TNFRSF18: variants seen among roughly 807,000 people sequenced by gnomAD.
The protein encoded by TNFRSF18 is TNF receptor superfamily member 18, also known as tumor necrosis factor receptor superfamily member 18.
A neutral mutation model predicts 30.2 loss-of-function variants in TNFRSF18; 36 were observed. The ratio of observed to expected loss-of-function variants is 1.19; its 90% CI spans 0.91 to 1.58. The LOEUF is 1.58. Ranked by LOEUF, TNFRSF18 falls within the 40% of genes most tolerant of loss-of-function variation. TNFRSF18 has a pLI of 0.00. For synonymous variants in TNFRSF18, 173 were observed against 158.3 expected (o/e 1.09, Z -0.70); for missense variants, 369 against 345.4 (o/e 1.07, Z -0.54).
rs762341860 is a variant in TNFRSF18 at position 1,203,565 on chromosome 1, C to T, written c.*279G>A. The T allele has an allele frequency of 1.3e-5, 20 of 1,487,696 alleles. No individual in the cohort carries two copies. The highest frequency in any genetic ancestry group is 2.7e-5 in the South Asian group (2 of 72,948). 92.2% of individuals were successfully genotyped at this position (1,487,696 alleles called of 1,614,324 possible). On this transcript the variant is annotated 3_prime_UTR_variant, in exon 5 of 5. Transcript: ENST00000379268. ...CAGCCGGGTCCCGTGCTGGGCACTG[C>T]ACACCCACGGACACAGCCTCCCGTC...
In TNFRSF18 at chr1:1,203,821, G is replaced by A; in HGVS notation, c.*23C>T. The A allele has an allele frequency of 6.3e-7, 1 of 1,583,112 alleles. No homozygotes were observed. Among genetic ancestry groups the A allele is most frequent in the Non-Finnish European group, 8.5e-7 (1 of 1,170,846 alleles). The stretch of plus-strand genomic sequence containing the variant: ...CCTGGGGAGGGGCTGGCTGCGGTCG[G>A]TGGCCCCGGAGGACGGCCAGGCTCA... On this transcript the variant is annotated 3_prime_UTR_variant, in exon 5 of 5. Coordinates refer to ENST00000379268, the MANE Select transcript of TNFRSF18 (RefSeq NM_004195.3).
chr1:1,204,196 T>C lies in TNFRSF18; in HGVS notation c.439A>G (p.Lys147Glu), dbSNP rs1328986693. The C allele has an allele frequency of 8.7e-6, 14 of 1,612,126 alleles. No homozygotes were observed. Among genetic ancestry groups the C allele is most frequent in the Non-Finnish European group, 1.2e-5 (14 of 1,179,662 alleles). The stretch of plus-strand genomic sequence containing the variant: ...GGGACGCACACAGCGTTGTGGGTCT[T>C]GTTCCCAGGGAACACAGTGAGAAAC... ...FGFLTVFPGN[K>E]THNAVCVPGS... Residue 147 changes from lysine (K) to glutamate (E), a missense_variant, in exon 4 of 5, where the codon AAG becomes GAG. Coordinates refer to ENST00000379268, the MANE Select transcript of TNFRSF18 (RefSeq NM_004195.3).
rs201894449 is a variant in TNFRSF18 at position 1,203,928 on chromosome 1, G to A, written c.642C>T (p.Asp214=). ...CCTCGGGGAACTGGCAGCTTCTGGCGTCTTCGGTCGACGGCGGCACCTCCA... is the reference window on the plus strand; with the variant it reads ...CCTCGGGGAACTGGCAGCTTCTGGCATCTTCGGTCGACGGCGGCACCTCCA... ...LLLEVPPSTE[D]ARSCQFPEEE... is the part of the protein sequence containing the mutation. The change falls in exon 5 of 5, where the codon GAC becomes GAT. Residue 214 remains aspartate (D), a synonymous_variant. Transcript: ENST00000379268. The A allele has an allele frequency of 4.0e-4, 648 of 1,607,774 alleles. 2 individuals are homozygous for A. The highest frequency in any genetic ancestry group is 7.0e-4 in the South Asian group (64 of 90,926).
rs2100937347 is a variant in TNFRSF18 at position 1,203,849 on chromosome 1, C to A, written c.721G>T (p.Val241Leu). 1 of 1,593,874 alleles carries A rather than the reference C, an allele frequency of 6.3e-7. No homozygotes were observed. Among genetic ancestry groups the A allele is most frequent in the East Asian group, 2.3e-5 (1 of 44,264 alleles). The change falls in exon 5 of 5, where the codon GTG becomes TTG. Residue 241 changes from valine to leucine, a missense_variant. Coordinates refer to ENST00000379268, the MANE Select transcript of TNFRSF18 (RefSeq NM_004195.3). Reference sequence around the variant, plus strand: ...GCCCCGGAGGACGGCCAGGCTCACACCCACAGGTCTCCCAGCCGCCCCTTC... The same window carrying A: ...GCCCCGGAGGACGGCCAGGCTCACAACCACAGGTCTCCCAGCCGCCCCTTC... ...EEKGRLGDLWV is the reference protein window; with the variant it reads ...EEKGRLGDLWL
chr1:1,205,317 C>T, intron 2 of TNFRSF18, 53 bp downstream of exon 2: 1 of 1,586,154 alleles, frequency 6.3e-7, no homozygotes, highest in Non-Finnish European at 8.6e-7. Context: ...TGCCTCGGGC[C>T]CTAGTGGAAC....
At position 1,204,487 on chromosome 1, in the gene TNFRSF18, C is replaced by T; in HGVS notation, c.311-1G>A. Reference sequence around the variant, plus strand: ...CACTGGAAGCCAAAACTGAATTTCCCTGGTGTGGGGTGTGGGGGGAGGGAG... The same window carrying T: ...CACTGGAAGCCAAAACTGAATTTCCTTGGTGTGGGGTGTGGGGGGAGGGAG... On this transcript the variant is annotated splice_acceptor_variant, in intron 2 of 4. Transcript: ENST00000379268. LOFTEE classifies it high-confidence loss of function. 1 of 824,246 alleles carries T rather than the reference C, an allele frequency of 1.2e-6. No homozygotes were observed. The highest frequency in any genetic ancestry group is 1.3e-5 in the South Asian group (1 of 76,718). 51.1% of individuals were successfully genotyped at this position (824,246 alleles called of 1,614,324 possible).
chr1:1,204,355 G>T (rs978115783), intron 3 of TNFRSF18, 44 bp downstream of exon 3: 1 of 1,605,646 alleles, frequency 6.2e-7, no homozygotes, highest in Non-Finnish European at 8.5e-7. Flanking sequence ...CCTCAGAGTG[G>T]GCCTGGACCA....
chr1:1,205,249 C>T, intron 2 of TNFRSF18, 121 bp downstream of exon 2: 2 of 1,463,544 alleles, frequency 1.4e-6, no homozygotes, highest in Non-Finnish European at 1.9e-6. Flanking sequence ...CCCGGCCTCA[C>T]AGGACTCCGG....
rs1234315211 is a variant in TNFRSF18, at chr1:1,204,425, G to A, written c.372C>T (p.His124=). The A allele has an allele frequency of 7.4e-6, 12 of 1,612,562 alleles. No individual in the cohort carries two copies. The highest frequency in any genetic ancestry group is 4.5e-5 in the East Asian group (2 of 44,894). The part of the protein sequence containing the change: ...DCASGTFSGG[H]EGHCKPWTDC... Reference sequence around the variant, plus strand: ...CTGTCCAAGGTTTGCAGTGGCCTTCGTGGCCCCCGGAGAAGGTCCCCGAGG... The same window carrying A: ...CTGTCCAAGGTTTGCAGTGGCCTTCATGGCCCCCGGAGAAGGTCCCCGAGG... The change falls in exon 3 of 5, where the codon CAC becomes CAT. Residue 124 remains histidine, a synonymous_variant. Coordinates refer to ENST00000379268, the MANE Select transcript of TNFRSF18 (RefSeq NM_004195.3).
rs199585084 is a variant in TNFRSF18, at chr1:1,203,770, G to A, written c.*74C>T. On this transcript the variant is annotated 3_prime_UTR_variant, in exon 5 of 5. Transcript: ENST00000379268. ...AGCAGGGCCCGGCCCAGAGCAGAAC[G>A]CAGAGCCCCTGCGGCCTGGGGAGCT... 62 of 1,564,038 alleles carry A rather than the reference G, an allele frequency of 4.0e-5. No individual in the cohort carries two copies. In the East Asian group the frequency reaches 4.0e-4, roughly 10 times the overall value.
chr1:1,206,441 C>T lies in TNFRSF18; in HGVS notation c.131G>A (p.Gly44Glu), dbSNP rs1452569741. The T allele has an allele frequency of 6.5e-7, 1 of 1,547,536 alleles. No individual in the cohort carries two copies. Among genetic ancestry groups the T allele is most frequent in the Admixed American group, 2.0e-5 (1 of 50,976 alleles). ...AACCCGGCAGCAGCGCGCGTCCGTTCCCGTCCCAAGCAGGAGGCGCCCAGG... is the reference window on the plus strand; with the variant it reads ...AACCCGGCAGCAGCGCGCGTCCGTTTCCGTCCCAAGCAGGAGGCGCCCAGG... ...CGPGRLLLGT[G>E]TDARCCRVHT... is the part of the protein sequence containing the mutation. The change falls in exon 1 of 5, where the codon GGA becomes GAA. Residue 44 changes from glycine (G) to glutamate (E), a missense_variant. Transcript: ENST00000379268.
At position 1,203,980 on chromosome 1, in the gene TNFRSF18, C is replaced by G. The variant is rs1301209321; in HGVS notation, c.602-12G>C. On this transcript the variant is annotated splice_polypyrimidine_tract_variant and intron_variant, in intron 4 of 4. Coordinates refer to ENST00000379268, the MANE Select transcript of TNFRSF18 (RefSeq NM_004195.3). ...CAGCAGCTGGGTCTCTGCAGGGGGG[C>G]CACGGTCAGCAGGCAGCCATGCTCC... is the stretch of plus-strand genomic sequence containing the variant. 2 of 1,606,190 alleles carry G rather than the reference C, an allele frequency of 1.2e-6. No individual in the cohort carries two copies. The highest frequency in any genetic ancestry group is 2.2e-5 in the South Asian group (2 of 90,808).
chr1:1,205,512 G>T lies in TNFRSF18; in HGVS notation c.188-20C>A. 1 of 1,606,626 alleles carries T rather than the reference G, an allele frequency of 6.2e-7. No homozygotes were observed. On this transcript the variant is annotated intron_variant, in intron 1 of 4. Transcript: ENST00000379268. ...CCTCGCCTGGGCAGGAGACAGGCCA[G>T]CCCCCCAGCAGCTGGGCTGAGGCCC...
chr1:1,206,403 AGCGCGTCGTGTGAACCCGGCAGCAGC>A lies in TNFRSF18; in HGVS notation c.143_168del (p.Arg48LeufsTer22). ...TACTTACCCGGGTAATCGCGGCAGC[AGCGCGTCGTGTGAACCCGGCAGCAGC>A]GCGCGTCCGTTCCCGTCCCAAGCAG... On this transcript the variant is annotated frameshift_variant, in exon 1 of 5. Transcript: ENST00000379268. LOFTEE classifies it high-confidence loss of function. The A allele has an allele frequency of 6.5e-7, 1 of 1,547,376 alleles. No homozygotes were observed. Among genetic ancestry groups the A allele is most frequent in the African/African-American group, 1.4e-5 (1 of 72,828 alleles).
intron 3 of TNFRSF18, 33 bp from the exon 4 acceptor site, chr1:1,204,269 C>A: frequency 6.3e-7 from 1 of 1,598,392 alleles, no homozygotes; most frequent in Non-Finnish European, 8.5e-7. Flanking sequence ...CCTATCAGCC[C>A]CCGGACACGG....
chr1:1,204,746 G>C (rs941684083), intron 2 of TNFRSF18, among the ~76,000 whole-genome samples: 1 of 152,196 alleles, frequency 6.6e-6, no homozygotes, highest in African/African-American at 2.4e-5. Context: ...TGCCAGGGAG[G>C]GGAAAGGCCT....
rs11466692 is a variant in TNFRSF18 at position 1,204,296 on chromosome 1, G to A, written c.399-60C>T. On this transcript the variant is annotated intron_variant, in intron 3 of 4. Transcript: ENST00000379268. ...CGGACACGGCCTCCGATCAGCCCCC[G>A]GCTGCTGCCCTCCGTGCTGTCTGGG... 1,409 of 1,591,558 alleles carry A rather than the reference G, an allele frequency of 8.9e-4. 14 individuals are homozygous for A. In the African/African-American group the frequency reaches 0.017, roughly 19 times the overall value.
chr1:1,204,600 A>G (rs1648722110), intron 2 of TNFRSF18, 114 bp from the exon 3 acceptor site: 2 of 763,428 alleles, frequency 2.6e-6, no homozygotes, highest in Non-Finnish European at 4.6e-6. Flanking sequence ...GCTGAGTAGA[A>G]TGCCCCCCCC....
Position 1,203,627 on chromosome 1 carries a change from A to G in TNFRSF18, c.*217T>C. 1.3e-6 allele frequency: 2 copies of G among 1,537,764 alleles called. No homozygotes were observed. The highest frequency in any genetic ancestry group is 1.7e-6 in the Non-Finnish European group (2 of 1,150,596). On this transcript the variant is annotated 3_prime_UTR_variant, in exon 5 of 5. Transcript: ENST00000379268. Reference sequence around the variant, plus strand: ...CCCCATCAGGGCCAGCAAGGGAGGAAGGGGGCCATGACTGTGTCTCTCTCT... The same window carrying G: ...CCCCATCAGGGCCAGCAAGGGAGGAGGGGGGCCATGACTGTGTCTCTCTCT...
Sources: allele counts gnomAD v4.1 joint callset (sites outside exome capture counted in the v4.1 genomes callset), GRCh38; gene constraint gnomAD v4.1.1; transcripts MANE v1.5; gene names NCBI Gene and HGNC (gene_info 2026-07-23, HGNC 2026-07-21).